HRH1: variants seen among roughly 807,000 people sequenced by gnomAD.
HRH1 encodes histamine H1 receptor.
Under a neutral mutation model 10.3 loss-of-function variants are expected in HRH1, and 6 were observed. The ratio of observed to expected loss-of-function variants is 0.58; its 90% CI spans 0.32 to 1.15. The LOEUF is 1.15. Among genes scored for constraint, HRH1 ranks in the 50% most tolerant of loss-of-function variants. The pLI, the probability that HRH1 is intolerant of heterozygous loss-of-function variation, is 0.05. For missense variants in HRH1, 514 were observed against 615.3 expected, an observed-to-expected ratio of 0.84 and a Z score of 1.74; for synonymous variants, 242 against 236.7, an observed-to-expected ratio of 1.02 and a Z score of -0.21.
At chr3:11,237,039 C>T (rs1015204200) in intron 1 of HRH1, among the ~76,000 whole-genome samples, 19 of 152,182 alleles carry the variant, frequency 1.2e-4, no homozygotes, top group Non-Finnish European at 1.9e-4. Flanking sequence ...AAGTGTATTT[C>T]TCAGAGTTTA....
intron 1 of HRH1, among the ~76,000 whole-genome samples, chr3:11,247,049 C>T (rs1195020230): frequency 1.3e-5 from 2 of 152,166 alleles, no homozygotes; most frequent in African/African-American, 2.4e-5. Flanking sequence ...CTCTGATGGG[C>T]ACAGTGGCTC....
At chr3:11,198,903 T>TAC (rs59431924) in intron 1 of HRH1, among the ~76,000 whole-genome samples, 2,074 of 103,170 alleles carry the variant, frequency 0.02, 31 homozygotes, top group African/African-American at 0.051. Flanking sequence ...TCTCTCTTTA[T>TAC]ACACACACAC....
At position 11,263,047 on chromosome 3, in the gene HRH1, T is replaced by G. The variant is rs200325629; in HGVS notation, c.*2546T>G. 4 of 167,096 alleles carry G rather than the reference T, an allele frequency of 2.4e-5. No homozygotes were observed. The highest frequency in any genetic ancestry group is 4.4e-5 in the Non-Finnish European group (3 of 68,130). 10.4% of individuals were successfully genotyped at this position (167,096 alleles called of 1,614,324 possible). On this transcript the variant is annotated 3_prime_UTR_variant, in exon 2 of 2. Coordinates refer to ENST00000431010, the MANE Select transcript of HRH1 (RefSeq NM_001098212.2). Reference sequence around the variant, plus strand: ...TAGGCAAACTGAGGCCCAGAGAGATTGAGGAACTGCTCCGAGGTCTGATTC... The same window carrying G: ...TAGGCAAACTGAGGCCCAGAGAGATGGAGGAACTGCTCCGAGGTCTGATTC...
At chr3:11,161,729 T>G (rs917915147) in intron 1 of HRH1, among the ~76,000 whole-genome samples, 1 of 152,232 alleles carries the variant, frequency 6.6e-6, no homozygotes, top group African/African-American at 2.4e-5. Flanking sequence ...TTATTTTCCC[T>G]GTTGTATCAG....
At chr3:11,198,649 A>G (rs1318450215) in intron 1 of HRH1, among the ~76,000 whole-genome samples, 1 of 151,086 alleles carries the variant, frequency 6.6e-6, no homozygotes, top group East Asian at 2.0e-4. Flanking sequence ...AGGCAGGAGG[A>G]TCGCTTGAGC....
At chr3:11,239,725 T>C (rs973102836) in intron 1 of HRH1, among the ~76,000 whole-genome samples, 3 of 150,306 alleles carry the variant, frequency 2.0e-5, no homozygotes, top group Non-Finnish European at 3.0e-5. Flanking sequence ...ATATGAATTA[T>C]TGCATTTTGT....
chr3:11,165,159 A>C (rs192365474), intron 1 of HRH1, among the ~76,000 whole-genome samples: 254 of 152,376 alleles, frequency 1.7e-3, no homozygotes, highest in African/African-American at 6.0e-3. Context: ...CTCATAAGTA[A>C]CAAGGTTGAA....
chr3:11,212,144 T>C (rs1371531689), intron 1 of HRH1, among the ~76,000 whole-genome samples: 3 of 152,180 alleles, frequency 2.0e-5, no homozygotes, highest in African/African-American at 4.8e-5. Context: ...TGATATCCTT[T>C]TGCCTCATAG....
rs118137604 is a variant in HRH1 at position 11,195,068 on chromosome 3, C to G, written c.-36+40514C>G. 1.1e-3 allele frequency among the ~76,000 whole-genome samples: 161 copies of G among 152,260 alleles called. 6 individuals carry two copies. The East Asian group carries it at 0.015, about 14-fold the overall frequency. ...CATCCTGGAAAGAGGAGCACTACCC[C>G]CTTCTTAGAGACACTGAAATGGGTT... On this transcript the variant is annotated intron_variant, in intron 1 of 1. Coordinates refer to ENST00000431010, the MANE Select transcript of HRH1 (RefSeq NM_001098212.2).
intron 1 of HRH1, among the ~76,000 whole-genome samples, chr3:11,226,715 G>A (rs1433448091): frequency 1.3e-5 from 2 of 151,652 alleles, no homozygotes; most frequent in Non-Finnish European, 2.9e-5. Context: ...GTGAAACCCC[G>A]TCTCTACTAA....
At chr3:11,203,636 C>G (rs1297728590) in intron 1 of HRH1, among the ~76,000 whole-genome samples, 1 of 152,166 alleles carries the variant, frequency 6.6e-6, no homozygotes, top group Admixed American at 6.5e-5. Context: ...ATTGACTTTG[C>G]CCTTTTGTCA....
chr3:11,217,374 C>G (rs970483068), intron 1 of HRH1, among the ~76,000 whole-genome samples: 1 of 151,568 alleles, frequency 6.6e-6, no homozygotes, highest in Non-Finnish European at 1.5e-5. Flanking sequence ...TACAAAAATA[C>G]AAAAATTATC....
intron 1 of HRH1, among the ~76,000 whole-genome samples, chr3:11,174,375 A>G (rs930439594): frequency 1.3e-5 from 2 of 152,192 alleles, no homozygotes; most frequent in Non-Finnish European, 2.9e-5. Context: ...GGGAGAGGCC[A>G]TCTCAGCGCT....
chr3:11,139,871 T>G (rs753106591), intron 1 of HRH1, among the ~76,000 whole-genome samples: 1 of 152,192 alleles, frequency 6.6e-6, no homozygotes, highest in Non-Finnish European at 1.5e-5. Context: ...TTTGGGATGA[T>G]GGAAATGTTC....
intron 1 of HRH1, among the ~76,000 whole-genome samples, chr3:11,162,373 G>T: frequency 6.6e-6 from 1 of 151,788 alleles, no homozygotes; most frequent in African/African-American, 2.4e-5. Flanking sequence ...GCGGGCAAGG[G>T]GGTTGGGGCG....
At chr3:11,162,022 G>A (rs546485809) in intron 1 of HRH1, among the ~76,000 whole-genome samples, 35 of 152,244 alleles carry the variant, frequency 2.3e-4, no homozygotes, top group Non-Finnish European at 3.8e-4. Context: ...GTGTGGGCTC[G>A]CAAATGCTGA....
intron 1 of HRH1, among the ~76,000 whole-genome samples, chr3:11,168,438 G>A (rs570295435): frequency 3.0e-4 from 46 of 152,372 alleles, no homozygotes; most frequent in African/African-American, 9.6e-4. Flanking sequence ...CCAAGCCAGG[G>A]TGGCAGGGGC....
At chr3:11,255,217 C>T (rs760732682) in intron 1 of HRH1, among the ~76,000 whole-genome samples, 10 of 152,076 alleles carry the variant, frequency 6.6e-5, no homozygotes, top group Non-Finnish European at 1.5e-4. Flanking sequence ...TGCACTCCAG[C>T]TTGGGCAATG....
intron 1 of HRH1, among the ~76,000 whole-genome samples, chr3:11,209,791 C>CT (rs1938263104): frequency 6.6e-6 from 1 of 152,188 alleles, no homozygotes; most frequent in African/African-American, 2.4e-5. Context: ...AATTAGTACT[C>CT]TATTTTACAG....
Sources: gnomAD v4.1 joint callset for allele counts (sites outside exome capture counted in the v4.1 genomes callset) on GRCh38, gnomAD v4.1.1 for gene constraint, MANE v1.5 for transcripts, NCBI Gene and HGNC (gene_info 2026-07-23, HGNC 2026-07-21) for gene names.